KLF8: variants seen among roughly 807,000 people sequenced by gnomAD.
KLF8 encodes KLF transcription factor 8, also known as Krueppel-like factor 8.
A neutral mutation model predicts 18.2 loss-of-function variants in KLF8; 10 were observed. The observed-to-expected ratio is 0.55, with a 90% confidence interval of 0.34 to 0.93. KLF8 has a LOEUF of 0.93. Among genes scored for constraint, KLF8 ranks in the 40% least tolerant of loss-of-function variants. The pLI, the probability that KLF8 is intolerant of heterozygous loss-of-function variation, is 0.02. For synonymous variants in KLF8, 109 were observed against 97.3 expected, an observed-to-expected ratio of 1.12 and a Z score of -0.71; for missense variants, 264 against 277.9, an observed-to-expected ratio of 0.95 and a Z score of 0.36.
the KLF8 span, among the ~76,000 whole-genome samples, chrX:56,070,355 T>A: frequency 9.0e-6 from 1 of 111,443 alleles, no homozygotes; most frequent in African/African-American, 3.3e-5. Flanking sequence ...CCATGGCACA[T>A]GTGTACCTAT....
At chrX:55,955,901 T>C in the KLF8 span, among the ~76,000 whole-genome samples, 1 of 111,509 alleles carries the variant, frequency 9.0e-6, no homozygotes, top group Non-Finnish European at 1.9e-5. Flanking sequence ...TTGCCAATAT[T>C]TAAAAGTCAA....
At chrX:56,046,924 G>A in the KLF8 span, among the ~76,000 whole-genome samples, 12,824 of 111,068 alleles carry the variant, frequency 0.12, 1,282 homozygotes, top group African/African-American at 0.33. Context: ...GCAAGGCCAG[G>A]GAAGTTTACC....
the KLF8 span, among the ~76,000 whole-genome samples, chrX:56,186,332 T>G: frequency 8.9e-6 from 1 of 111,854 alleles, no homozygotes; most frequent in East Asian, 2.8e-4. Context: ...CTAACTATCC[T>G]AAATATATAT....
the KLF8 span, among the ~76,000 whole-genome samples, chrX:55,922,870 T>C: frequency 8.9e-6 from 1 of 112,075 alleles, no homozygotes; most frequent in Admixed American, 9.4e-5. Flanking sequence ...TCTTTTGCAC[T>C]GTTGGTGGGA....
At chrX:55,977,882 G>A in the KLF8 span, among the ~76,000 whole-genome samples, 4 of 110,709 alleles carry the variant, frequency 3.6e-5, no homozygotes, top group Non-Finnish European at 7.6e-5. Context: ...TAAGGACAAG[G>A]AGAGCTCTAT....
rs761732948 is a variant in KLF8 at position 56,233,246 on chromosome X, G to C, written c.-89G>C. ...TGTCAGAATGGGGCGGGTGTGAGGG[G>C]AACAGCTCTCTTGCGATCAGCTCAG... On this transcript the variant is annotated 5_prime_UTR_variant, in exon 1 of 6. Coordinates refer to ENST00000468660, the MANE Select transcript of KLF8 (RefSeq NM_007250.5). 47 of 1,135,251 alleles carry C rather than the reference G, an allele frequency of 4.1e-5. No homozygotes were observed. The highest frequency in any genetic ancestry group is 5.5e-5 in the Non-Finnish European group (46 of 830,259). 93.6% of individuals were successfully genotyped at this position (1,135,251 alleles called of 1,213,427 possible).
chrX:56,252,140 G>A (rs1315576647), intron 2 of KLF8, among the ~76,000 whole-genome samples: 2 of 110,899 alleles, frequency 1.8e-5, no homozygotes, highest in Middle Eastern at 4.2e-3. Context: ...AGCCTCCTGA[G>A]TAGCTAGGAC....
the KLF8 span, among the ~76,000 whole-genome samples, chrX:55,946,644 A>G: frequency 8.9e-6 from 1 of 111,846 alleles, no homozygotes; most frequent in Non-Finnish European, 1.9e-5. Flanking sequence ...ATGGGATCTG[A>G]TTAAACTCAA....
At chrX:56,046,898 G>A in the KLF8 span, among the ~76,000 whole-genome samples, 4 of 111,136 alleles carry the variant, frequency 3.6e-5, no homozygotes, top group Admixed American at 1.9e-4. Flanking sequence ...CTTTTATTTG[G>A]CTGTCTAGAT....
the KLF8 span, among the ~76,000 whole-genome samples, chrX:56,094,967 A>T: frequency 9.0e-6 from 1 of 111,530 alleles, no homozygotes; most frequent in Non-Finnish European, 1.9e-5. Context: ...TCTCCATGAA[A>T]CTATCAATGC....
At chrX:56,143,627 T>C in the KLF8 span, among the ~76,000 whole-genome samples, 2 of 111,782 alleles carry the variant, frequency 1.8e-5, no homozygotes, top group African/African-American at 6.5e-5. Flanking sequence ...CTTAATTCCA[T>C]TACCAAGTTT....
At chrX:56,105,400 G>T in the KLF8 span, among the ~76,000 whole-genome samples, 1 of 111,633 alleles carries the variant, frequency 9.0e-6, no homozygotes, top group Non-Finnish European at 1.9e-5. Context: ...GGGTAGTGCT[G>T]TATTGGGTAC....
At chrX:55,938,134 G>C in the KLF8 span, among the ~76,000 whole-genome samples, 1 of 111,727 alleles carries the variant, frequency 9.0e-6, no homozygotes. Flanking sequence ...GAAAGGTCGG[G>C]TTACCCACAA....
At chrX:56,226,133 C>T in the KLF8 span, among the ~76,000 whole-genome samples, 1 of 111,915 alleles carries the variant, frequency 8.9e-6, no homozygotes, top group South Asian at 3.8e-4. Context: ...ATGTTCTGTT[C>T]ACAATTCTGC....
At chrX:56,255,531 G>A (rs1056426056) in intron 2 of KLF8, among the ~76,000 whole-genome samples, 4 of 112,295 alleles carry the variant, frequency 3.6e-5, no homozygotes, top group Non-Finnish European at 7.5e-5. Context: ...CATTCGATAT[G>A]ATACTAGCTG....
At chrX:55,994,274 T>C in the KLF8 span, among the ~76,000 whole-genome samples, 2 of 109,585 alleles carry the variant, frequency 1.8e-5, no homozygotes, top group Non-Finnish European at 3.8e-5. Context: ...GGTGGTAATG[T>C]CTCCTTTGTC....
the KLF8 span, among the ~76,000 whole-genome samples, chrX:56,143,003 C>T: frequency 8.9e-6 from 1 of 111,982 alleles, no homozygotes; most frequent in Non-Finnish European, 1.9e-5. Flanking sequence ...CATTGTCACT[C>T]CTCTCTTTGT....
the KLF8 span, among the ~76,000 whole-genome samples, chrX:55,979,327 C>T: frequency 1.2e-4 from 13 of 111,772 alleles, no homozygotes; most frequent in Admixed American, 1.9e-4. Context: ...ATGCTGTGCA[C>T]GCTACCTGCA....
At chrX:56,039,948 G>A in the KLF8 span, among the ~76,000 whole-genome samples, 1 of 111,329 alleles carries the variant, frequency 9.0e-6, no homozygotes, top group Non-Finnish European at 1.9e-5. Flanking sequence ...CACTTTTCTT[G>A]TTAGCTCTAT....
Sources: gnomAD v4.1 joint callset for allele counts (sites outside exome capture counted in the v4.1 genomes callset) on GRCh38, gnomAD v4.1.1 for gene constraint, MANE v1.5 for transcripts, NCBI Gene and HGNC (gene_info 2026-07-23, HGNC 2026-07-21) for gene names.